Variants in HPGDS observed in about 807,000 individuals in gnomAD.
The protein encoded by HPGDS is GST class-sigma.
A neutral mutation model predicts 23.1 loss-of-function variants in HPGDS; 26 were observed. The ratio of observed to expected loss-of-function variants is 1.13; its 90% CI spans 0.83 to 1.56. HPGDS has a LOEUF of 1.56. Ranked by LOEUF, HPGDS falls within the 40% of genes most tolerant of loss-of-function variation. The probability of loss-of-function intolerance (pLI) is 0.00; values close to 1 mark genes in which losing one functional copy is unlikely to be tolerated. For synonymous variants in HPGDS, 95 were observed against 77.9 expected, an observed-to-expected ratio of 1.22 and a Z score of -1.16; for missense variants, 268 against 236.4, an observed-to-expected ratio of 1.13 and a Z score of -0.88.
intron 3 of HPGDS, among the ~76,000 whole-genome samples, chr4:94,315,898 T>C (rs1230462216): frequency 6.6e-6 from 1 of 152,206 alleles, no homozygotes; most frequent in South Asian, 2.1e-4. Flanking sequence ...CCTTATTCAA[T>C]ATTTTTAGTC....
rs79596714 is a variant in HPGDS, at chr4:94,316,901, G to C, written c.226+972C>G. Among the ~76,000 whole-genome samples, 1,299 of 152,312 alleles carry C rather than the reference G, an allele frequency of 8.5e-3. 7 individuals carry two copies. Among genetic ancestry groups the C allele is most frequent in the Middle Eastern group, 0.054 (16 of 294 alleles). Reference sequence around the variant, plus strand: ...TCCAAGTCTTCCTCTTGAAATTCTAGCTATCTTTGAGCCTAAACCTAAATG... The same window carrying C: ...TCCAAGTCTTCCTCTTGAAATTCTACCTATCTTTGAGCCTAAACCTAAATG... On this transcript the variant is annotated intron_variant, in intron 3 of 5. Coordinates refer to ENST00000295256, the MANE Select transcript of HPGDS (RefSeq NM_014485.3).
chr4:94,323,616 G>A (rs1291895446), intron 2 of HPGDS, among the ~76,000 whole-genome samples: 1 of 151,812 alleles, frequency 6.6e-6, no homozygotes, highest in East Asian at 1.9e-4. Flanking sequence ...CATTTGCTTG[G>A]TAGATCTTCC....
chr4:94,326,934 G>T (rs1756641189), intron 2 of HPGDS, among the ~76,000 whole-genome samples: 1 of 152,018 alleles, frequency 6.6e-6, no homozygotes. Flanking sequence ...CTAAGTAGGT[G>T]CAATAATGTA....
At position 94,336,864 on chromosome 4, in the gene HPGDS, ATTTG is replaced by A. The variant is rs1355672130; in HGVS notation, c.-9-2230_-9-2227del. Among the ~76,000 whole-genome samples, 3 of 152,224 alleles carry A rather than the reference ATTTG, an allele frequency of 2.0e-5. No individual in the cohort carries two copies. In the South Asian group the frequency reaches 6.2e-4, roughly 31 times the overall value. ...CATGATAGTTATAATTCCTGGACGT[ATTTG>A]TTTTAAATATCAAAACAATTTTTAA... is the stretch of plus-strand genomic sequence containing the variant. On this transcript the variant is annotated intron_variant, in intron 1 of 5. Transcript: ENST00000295256.
intron 2 of HPGDS, among the ~76,000 whole-genome samples, chr4:94,326,334 C>A (rs755169875): frequency 6.6e-6 from 1 of 152,112 alleles, no homozygotes; most frequent in South Asian, 2.1e-4. Flanking sequence ...TTCCCAAAAT[C>A]CCCAAATTCA....
intron 4 of HPGDS, among the ~76,000 whole-genome samples, chr4:94,304,130 G>A (rs1756097193): frequency 6.6e-6 from 1 of 151,692 alleles, no homozygotes; most frequent in Admixed American, 6.6e-5. Flanking sequence ...CTTTTCAGAG[G>A]AGGTTTTTTC....
At position 94,319,923 on chromosome 4, in the gene HPGDS, T is replaced by C. The variant is rs145435140; in HGVS notation, c.134-1958A>G. ...CTATCCCTCCCCTCTACCCCCACCC[T>C]GCAACAGGCCCCAGTGTGTGATGTT... On this transcript the variant is annotated intron_variant, in intron 2 of 5. Transcript: ENST00000295256. Among the ~76,000 whole-genome samples the C allele has an allele frequency of 8.7e-3, 1,317 of 152,174 alleles. 10 individuals carry two copies. Among genetic ancestry groups the C allele is most frequent in the Middle Eastern group, 0.054 (16 of 294 alleles).
chr4:94,339,855 G>T (rs1467747943), intron 1 of HPGDS, among the ~76,000 whole-genome samples: 1 of 152,088 alleles, frequency 6.6e-6, no homozygotes, highest in Non-Finnish European at 1.5e-5. Context: ...CTGACTTCAT[G>T]GTAGTAAATA....
intron 2 of HPGDS, among the ~76,000 whole-genome samples, chr4:94,329,380 G>A (rs868605421): frequency 6.6e-6 from 1 of 152,152 alleles, no homozygotes; most frequent in Admixed American, 6.6e-5. Flanking sequence ...TTTTGAGAAA[G>A]ATATTAAAAA....
At chr4:94,338,915 AAAG>A (rs1340794810) in intron 1 of HPGDS, among the ~76,000 whole-genome samples, 3 of 152,240 alleles carry the variant, frequency 2.0e-5, no homozygotes, top group African/African-American at 7.2e-5. Flanking sequence ...TAGCCAAGAC[AAAG>A]AAAAAAAGAG....
At chr4:94,304,943 TA>T (rs1756113234) in intron 4 of HPGDS, among the ~76,000 whole-genome samples, 1 of 151,980 alleles carries the variant, frequency 6.6e-6, no homozygotes, top group Non-Finnish European at 1.5e-5. Flanking sequence ...GACTGCACAT[TA>T]GGGGGGTGTT....
intron 1 of HPGDS, among the ~76,000 whole-genome samples, chr4:94,342,287 G>C (rs544768915): frequency 6.6e-6 from 1 of 152,114 alleles, no homozygotes; most frequent in Non-Finnish European, 1.5e-5. Context: ...AACCATCTCT[G>C]AAGCCAAAAG....
At chr4:94,319,789 T>A (rs188523200) in intron 2 of HPGDS, among the ~76,000 whole-genome samples, 11 of 152,276 alleles carry the variant, frequency 7.2e-5, no homozygotes, top group Non-Finnish European at 1.3e-4. Flanking sequence ...TACTTTAAGT[T>A]CTAGGGTACA....
chr4:94,331,806 G>C (rs958171689), intron 2 of HPGDS, among the ~76,000 whole-genome samples: 1 of 152,176 alleles, frequency 6.6e-6, no homozygotes. Flanking sequence ...CTAGGGACGA[G>C]AAGGGATATG....
intron 2 of HPGDS, among the ~76,000 whole-genome samples, chr4:94,327,915 G>C (rs903786200): frequency 6.6e-6 from 1 of 152,178 alleles, no homozygotes; most frequent in African/African-American, 2.4e-5. Context: ...TAGTCTGGTG[G>C]GGACTGGGCT....
chr4:94,334,753 T>A, intron 1 of HPGDS, 115 bp from the exon 2 acceptor site: 1 of 873,278 alleles, frequency 1.1e-6, no homozygotes, highest in Non-Finnish European at 1.7e-6. Context: ...CTGGAGACAT[T>A]AGAGGATATT....
chr4:94,322,397 T>C (rs1382477651), intron 2 of HPGDS, among the ~76,000 whole-genome samples: 1 of 152,174 alleles, frequency 6.6e-6, no homozygotes, highest in Non-Finnish European at 1.5e-5. Flanking sequence ...GGTCCTGGAC[T>C]TTTTTTGGTT....
chr4:94,332,936 T>TA (rs1475558306), intron 2 of HPGDS, among the ~76,000 whole-genome samples: 5 of 152,216 alleles, frequency 3.3e-5, no homozygotes, highest in Non-Finnish European at 7.3e-5. Flanking sequence ...TCTTTGTCCT[T>TA]ATGGACTTTG....
intron 3 of HPGDS, among the ~76,000 whole-genome samples, chr4:94,309,046 CT>C (rs1205220662): frequency 3.4e-5 from 2 of 58,768 alleles, no homozygotes; most frequent in African/African-American, 6.2e-5. Flanking sequence ...AAAGGGTGTA[CT>C]TGCTTTTTTT....
Sources: allele counts gnomAD v4.1 joint callset (sites outside exome capture counted in the v4.1 genomes callset), GRCh38; gene constraint gnomAD v4.1.1; transcripts MANE v1.5; gene names NCBI Gene and HGNC (gene_info 2026-07-23, HGNC 2026-07-21).